PCSK5: variants seen among roughly 807,000 people sequenced by gnomAD.
PCSK5 encodes prohormone convertase 5.
PCSK5 carries 129 observed loss-of-function variants against 233.2 expected under a neutral mutation model. The observed-to-expected ratio is 0.55, with a 90% confidence interval of 0.48 to 0.64. PCSK5 has a LOEUF of 0.64. PCSK5 is among the 30% of genes least tolerant of loss of function. The pLI is 0.00. For missense variants in PCSK5, 2,076 were observed against 2,430.1 expected (o/e 0.85, Z 3.06); for synonymous variants, 825 against 879.2 (o/e 0.94, Z 1.09).
At chr9:76,065,012 A>C (rs1359333935) in intron 5 of PCSK5, among the ~76,000 whole-genome samples, 1 of 152,216 alleles carries the variant, frequency 6.6e-6, no homozygotes, top group Non-Finnish European at 1.5e-5. Flanking sequence ...TTTATGGCTA[A>C]TATTCCATTG....
chr9:76,284,599 C>G (rs1189665226), intron 24 of PCSK5, among the ~76,000 whole-genome samples: 1 of 141,924 alleles, frequency 7.0e-6, no homozygotes, highest in Non-Finnish European at 1.5e-5. Context: ...ATGGCGCGAT[C>G]TCAGCTCACT....
rs923371745 is a variant in PCSK5, at chr9:76,179,656, A to G, written c.1961A>G (p.Asn654Ser). Reference sequence around the variant, plus strand: ...GACGGGCCAGGACCAGACCACTGCAATGACTGTTTGCACTACTACTACAAG... The same window carrying G: ...GACGGGCCAGGACCAGACCACTGCAGTGACTGTTTGCACTACTACTACAAG... ...GCDGPGPDHC[N>S]DCLHYYYKLK... The change falls in exon 15 of 38, where the codon AAT (asparagine) becomes AGT (serine). Residue 654 changes from asparagine (N) to serine (S), a missense_variant. Physicochemically the swap from Asn to Ser is conservative, Grantham distance 46. Transcript: ENST00000674117. 3.7e-6 allele frequency: 6 copies of G among 1,613,648 alleles called. No individual in the cohort carries two copies. The highest frequency in any genetic ancestry group is 3.3e-5 in the Admixed American group (2 of 59,984).
intron 36 of PCSK5, among the ~76,000 whole-genome samples, chr9:76,351,735 G>A (rs1830173008): frequency 6.6e-6 from 1 of 150,570 alleles, no homozygotes; most frequent in Admixed American, 6.6e-5. Context: ...CTGAAACCAT[G>A]AATTTTTTTT....
At chr9:75,941,214 G>A (rs1230526564) in intron 2 of PCSK5, among the ~76,000 whole-genome samples, 1 of 152,068 alleles carries the variant, frequency 6.6e-6, no homozygotes, top group Non-Finnish European at 1.5e-5. Flanking sequence ...TTAATGTTTG[G>A]GCTTTCTTTT....
At chr9:75,999,641 G>GT (rs1264855714) in intron 3 of PCSK5, among the ~76,000 whole-genome samples, 2 of 152,232 alleles carry the variant, frequency 1.3e-5, no homozygotes, top group African/African-American at 4.8e-5. Context: ...GGTGGCCCAG[G>GT]TGTTGCTTGC....
At chr9:76,205,011 T>C (rs1825057028) in intron 20 of PCSK5, among the ~76,000 whole-genome samples, 1 of 151,950 alleles carries the variant, frequency 6.6e-6, no homozygotes, top group African/African-American at 2.4e-5. Context: ...AGCAAAGGGG[T>C]CATCTCAAAA....
At chr9:76,139,783 A>C (rs1301402021) in intron 10 of PCSK5, among the ~76,000 whole-genome samples, 1 of 152,134 alleles carries the variant, frequency 6.6e-6, no homozygotes, top group African/African-American at 2.4e-5. Flanking sequence ...CAAAAACAAA[A>C]AAACAAAAAC....
intron 12 of PCSK5, among the ~76,000 whole-genome samples, chr9:76,160,845 C>G (rs1324085618): frequency 1.3e-5 from 2 of 151,860 alleles, no homozygotes; most frequent in Non-Finnish European, 2.9e-5. Flanking sequence ...ACAATCTCGG[C>G]TCACTGCATC....
At chr9:76,274,731 T>G (rs1388614836) in intron 24 of PCSK5, among the ~76,000 whole-genome samples, 1 of 152,240 alleles carries the variant, frequency 6.6e-6, no homozygotes, top group African/African-American at 2.4e-5. Flanking sequence ...TTTGTTGTTT[T>G]ATTTTATTGT....
chr9:76,032,670 C>G (rs1242056440), intron 5 of PCSK5, among the ~76,000 whole-genome samples: 1 of 152,148 alleles, frequency 6.6e-6, no homozygotes, highest in East Asian at 1.9e-4. Context: ...TATTAGCTTG[C>G]CAAATAAAGC....
rs1031025110 is a variant in PCSK5, at chr9:76,318,506, TC to T, written c.3885-2914del. 1.6e-3 allele frequency among the ~76,000 whole-genome samples: 241 copies of T among 152,230 alleles called. 1 individual carries two copies. The highest frequency in any genetic ancestry group is 5.4e-3 in the African/African-American group (226 of 41,536). ...AAAGAAAAAAAAGAAACCTCATCTA[TC>T]CATCCCTCATCTCCCAAATATATTT... is the stretch of plus-strand genomic sequence containing the variant. On this transcript the variant is annotated intron_variant, in intron 30 of 37. Coordinates refer to ENST00000674117, the MANE Select transcript of PCSK5 (RefSeq NM_001372043.1).
chr9:76,267,750 C>A (rs1326557399), intron 24 of PCSK5, among the ~76,000 whole-genome samples: 1 of 152,026 alleles, frequency 6.6e-6, no homozygotes, highest in Non-Finnish European at 1.5e-5. Flanking sequence ...GAAGTATGAC[C>A]ACAGTCTGAG....
chr9:76,282,748 C>A (rs776656638), intron 24 of PCSK5, among the ~76,000 whole-genome samples: 1 of 152,104 alleles, frequency 6.6e-6, no homozygotes, highest in Non-Finnish European at 1.5e-5. Context: ...AGCATAGTAC[C>A]CAATAGGTAG....
chr9:75,961,099 C>T (rs1438763377), intron 2 of PCSK5, among the ~76,000 whole-genome samples: 1 of 152,118 alleles, frequency 6.6e-6, no homozygotes, highest in Non-Finnish European at 1.5e-5. Context: ...TAGCAGTGTC[C>T]CTGATTCTAT....
chr9:75,948,849 C>T (rs1163634386), intron 2 of PCSK5, among the ~76,000 whole-genome samples: 1 of 151,946 alleles, frequency 6.6e-6, no homozygotes, highest in Non-Finnish European at 1.5e-5. Flanking sequence ...TAATGATCAC[C>T]ATTCTAACTC....
intron 12 of PCSK5, among the ~76,000 whole-genome samples, chr9:76,162,277 A>C (rs1398980440): frequency 6.6e-6 from 1 of 152,192 alleles, no homozygotes; most frequent in Non-Finnish European, 1.5e-5. Flanking sequence ...AAAGAAAGAC[A>C]GTTTCTTTTG....
chr9:76,362,856 G>A lies in PCSK5; in HGVS notation c.*3934G>A, dbSNP rs900789967. On this transcript the variant is annotated 3_prime_UTR_variant, in exon 38 of 38. Coordinates refer to ENST00000674117, the MANE Select transcript of PCSK5 (RefSeq NM_001372043.1). ...GCTCAATCGATCATGACCCTCTCACGTGGACCCCCTTAGAGTTGTGAGCCC... is the reference window on the plus strand; with the variant it reads ...GCTCAATCGATCATGACCCTCTCACATGGACCCCCTTAGAGTTGTGAGCCC... Among the ~76,000 whole-genome samples, 17 of 152,116 alleles carry A rather than the reference G, an allele frequency of 1.1e-4. No homozygotes were observed. Among genetic ancestry groups the A allele is most frequent in the Non-Finnish European group, 1.6e-4 (11 of 68,038 alleles).
At chr9:76,191,807 G>T (rs1488627028) in intron 20 of PCSK5, among the ~76,000 whole-genome samples, 1 of 152,056 alleles carries the variant, frequency 6.6e-6, no homozygotes, top group Non-Finnish European at 1.5e-5. Context: ...TAAAAACATG[G>T]CTCCCCTATT....
chr9:76,080,293 C>T (rs575066689), intron 7 of PCSK5, among the ~76,000 whole-genome samples: 13 of 152,250 alleles, frequency 8.5e-5, no homozygotes, highest in African/African-American at 3.1e-4. Flanking sequence ...TAAAAGGCTT[C>T]GCTGGTTTTC....
Sources: allele counts gnomAD v4.1 joint callset (sites outside exome capture counted in the v4.1 genomes callset), GRCh38; gene constraint gnomAD v4.1.1; transcripts MANE v1.5; gene names NCBI Gene and HGNC (gene_info 2026-07-23, HGNC 2026-07-21).